The following UQCC1 variants were observed in gnomAD, a reference collection of about 807,000 sequenced individuals.
UQCC1 encodes the protein ubiquinol-cytochrome c reductase complex assembly factor 1.
Under a neutral mutation model 48.0 loss-of-function variants are expected in UQCC1, and 38 were observed. That is an observed-to-expected ratio of 0.79 (90% CI 0.61 to 1.04). UQCC1 has a LOEUF of 1.04. Ranked by LOEUF, UQCC1 falls within the 50% of genes least tolerant of loss-of-function variation. The pLI, the probability that UQCC1 is intolerant of heterozygous loss-of-function variation, is 0.00. For synonymous variants in UQCC1, 111 were observed against 129.2 expected (o/e 0.86, Z 0.95); for missense variants, 368 against 381.8 (o/e 0.96, Z 0.30).
At chr20:35,361,756 T>C (rs1406917354) in intron 6 of UQCC1, among the ~76,000 whole-genome samples, 1 of 152,156 alleles carries the variant, frequency 6.6e-6, no homozygotes, top group Non-Finnish European at 1.5e-5. Flanking sequence ...TGATCCCTCA[T>C]ATGTAAAATG....
chr20:35,391,593 T>C (rs1031839835), intron 2 of UQCC1, among the ~76,000 whole-genome samples: 11 of 150,400 alleles, frequency 7.3e-5, no homozygotes, highest in South Asian at 6.3e-4. Context: ...ACTGCCAAGA[T>C]AGTGTCATCC....
chr20:35,352,922 T>C (rs1600928185), intron 6 of UQCC1, among the ~76,000 whole-genome samples: 1 of 152,218 alleles, frequency 6.6e-6, no homozygotes, highest in Admixed American at 6.5e-5. Flanking sequence ...TGGGCTCAAG[T>C]GATCTACCTT....
chr20:35,358,432 T>C (rs1015457553), intron 6 of UQCC1, among the ~76,000 whole-genome samples: 3 of 9,498 alleles, frequency 3.2e-4, no homozygotes, highest in African/African-American at 5.6e-4. Context: ...AAATGCAAAA[T>C]AAACTTAAAA....
chr20:35,396,936 A>C (rs886074755), intron 1 of UQCC1, among the ~76,000 whole-genome samples: 2 of 152,196 alleles, frequency 1.3e-5, no homozygotes, highest in Non-Finnish European at 2.9e-5. Flanking sequence ...CAGATACATA[A>C]ATTGCTTGAA....
chr20:35,407,399 G>A (rs2062268093), intron 1 of UQCC1, among the ~76,000 whole-genome samples: 1 of 151,688 alleles, frequency 6.6e-6, no homozygotes, highest in South Asian at 2.1e-4. Flanking sequence ...CTGCACTCTA[G>A]CCTGGGTGAC....
chr20:35,364,878 A>G (rs1311445831), intron 6 of UQCC1, among the ~76,000 whole-genome samples: 1 of 152,216 alleles, frequency 6.6e-6, no homozygotes, highest in Non-Finnish European at 1.5e-5. Flanking sequence ...CTCTAGCTAT[A>G]TGGGCAATAA....
At chr20:35,306,915 C>T (rs1292024266) in intron 8 of UQCC1, 136 bp from the exon 9 acceptor site, 2 of 718,672 alleles carry the variant, frequency 2.8e-6, no homozygotes, top group Non-Finnish European at 5.0e-6. Flanking sequence ...GAAAATGGGG[C>T]AGTCACACAG....
chr20:35,381,994 A>G lies in UQCC1; in HGVS notation c.257T>C (p.Val86Ala), dbSNP rs1452921357. ...LSTTKDSPQP[V>A]EEKVGAFTKI... ...TGTGAAAGCACCAACCTTCTCCTCAACAGGCTGTGGGGAATCTTTGGTAGT... is the reference window on the plus strand; with the variant it reads ...TGTGAAAGCACCAACCTTCTCCTCAGCAGGCTGTGGGGAATCTTTGGTAGT... The change falls in exon 4 of 10, where the codon GTT becomes GCT. Residue 86 changes from valine (V) to alanine (A), a missense_variant. By Grantham distance (64) the Val-to-Ala change is moderately conservative. Transcript: ENST00000374385. 1 of 1,612,336 alleles carries G rather than the reference A, an allele frequency of 6.2e-7. No individual in the cohort carries two copies.
chr20:35,367,092 T>TAAAA (rs72469122), intron 5 of UQCC1, among the ~76,000 whole-genome samples: 73 of 101,692 alleles, frequency 7.2e-4, no homozygotes, highest in Non-Finnish European at 1.2e-3. Flanking sequence ...AGACTCTGTC[T>TAAAA]AAAAAAAAAA....
At chr20:35,363,764 C>G (rs141467415) in intron 6 of UQCC1, among the ~76,000 whole-genome samples, 2 of 152,190 alleles carry the variant, frequency 1.3e-5, no homozygotes, top group African/African-American at 4.8e-5. Flanking sequence ...CCTCCTCCCC[C>G]ACCCCACACT....
At chr20:35,392,054 G>A (rs1473264946) in intron 2 of UQCC1, among the ~76,000 whole-genome samples, 1 of 152,102 alleles carries the variant, frequency 6.6e-6, no homozygotes, top group Non-Finnish European at 1.5e-5. Context: ...ACCACTCATC[G>A]AAGGAAGGAT....
intron 5 of UQCC1, among the ~76,000 whole-genome samples, chr20:35,373,516 T>C (rs563974240): frequency 2.8e-4 from 43 of 151,960 alleles, no homozygotes; most frequent in Non-Finnish European, 4.9e-4. Context: ...CCATGTCAAC[T>C]AAAAATACAA....
chr20:35,394,255 C>A, intron 1 of UQCC1, 59 bp from the exon 2 acceptor site: 3 of 1,417,360 alleles, frequency 2.1e-6, no homozygotes, highest in Non-Finnish European at 2.0e-6. Flanking sequence ...ACATGGAAGG[C>A]AAAGAGTGTA....
At chr20:35,346,931 T>C in intron 7 of UQCC1, 9 of 1,451,750 alleles carry the variant, frequency 6.2e-6, no homozygotes, top group Non-Finnish European at 8.2e-6. Context: ...CCCATCTCCA[T>C]ACAGGATGAC....
At chr20:35,378,965 C>A (rs1323070847) in intron 4 of UQCC1, among the ~76,000 whole-genome samples, 1 of 152,164 alleles carries the variant, frequency 6.6e-6, no homozygotes, top group African/African-American at 2.4e-5. Flanking sequence ...TTCCTTCAAC[C>A]GTTCTTAACA....
chr20:35,393,473 T>TACAC (rs372268386), intron 2 of UQCC1, among the ~76,000 whole-genome samples: 2 of 135,372 alleles, frequency 1.5e-5, no homozygotes, highest in African/African-American at 5.6e-5. Context: ...TACATATACA[T>TACAC]ACACACACAC....
At chr20:35,347,397 CTTT>C in intron 6 of UQCC1, 125 bp from the exon 7 acceptor site, 2 of 889,594 alleles carry the variant, frequency 2.2e-6, no homozygotes, top group Non-Finnish European at 3.2e-6. Context: ...TGGAAGTGAA[CTTT>C]TTTTTTTTAA....
At chr20:35,334,416 C>A (rs555295109) in intron 7 of UQCC1, among the ~76,000 whole-genome samples, 4 of 152,242 alleles carry the variant, frequency 2.6e-5, no homozygotes, top group Non-Finnish European at 5.9e-5. Context: ...CAAACAAAGC[C>A]AAACATTGTT....
At chr20:35,307,525 G>A (rs1184706341) in intron 8 of UQCC1, among the ~76,000 whole-genome samples, 1 of 152,194 alleles carries the variant, frequency 6.6e-6, no homozygotes, top group Non-Finnish European at 1.5e-5. Context: ...TGGACCTCTA[G>A]AGGAGGGAGG....
Sources: allele counts gnomAD v4.1 joint callset (sites outside exome capture counted in the v4.1 genomes callset), GRCh38; gene constraint gnomAD v4.1.1; transcripts MANE v1.5; gene names NCBI Gene and HGNC (gene_info 2026-07-23, HGNC 2026-07-21).